UBL3: variants seen among roughly 807,000 people sequenced by gnomAD.
UBL3 encodes ubiquitin like 3.
Under a neutral mutation model 18.4 loss-of-function variants are expected in UBL3, and 6 were observed. That is an observed-to-expected ratio of 0.33 (90% CI 0.18 to 0.64). The LOEUF (loss-of-function observed/expected upper bound fraction) is 0.64. Ranked by LOEUF, UBL3 falls within the 30% of genes least tolerant of loss-of-function variation. The pLI, the probability that UBL3 is intolerant of heterozygous loss-of-function variation, is 0.76. For synonymous variants in UBL3, 49 were observed against 46.6 expected, an observed-to-expected ratio of 1.05 and a Z score of -0.21; for missense variants, 109 against 142.9, an observed-to-expected ratio of 0.76 and a Z score of 1.21.
intron 1 of UBL3, chr13:29,777,485 C>T: frequency 3.1e-6 from 2 of 643,176 alleles, no homozygotes; most frequent in South Asian, 1.4e-5. Context: ...GACATATTTG[C>T]CATAATAAAT....
intron 1 of UBL3, among the ~76,000 whole-genome samples, chr13:29,843,456 T>C (rs773053234): frequency 6.6e-6 from 1 of 152,174 alleles, no homozygotes; most frequent in Non-Finnish European, 1.5e-5. Context: ...TCAATGTATT[T>C]TGCACTTGGT....
chr13:29,783,241 G>A (rs568704867), intron 1 of UBL3, among the ~76,000 whole-genome samples: 2 of 152,334 alleles, frequency 1.3e-5, no homozygotes, highest in Admixed American at 1.3e-4. Flanking sequence ...TAACATAAAT[G>A]CTATCATTTA....
chr13:29,780,827 T>C (rs1877135566), intron 1 of UBL3, among the ~76,000 whole-genome samples: 1 of 152,154 alleles, frequency 6.6e-6, no homozygotes, highest in African/African-American at 2.4e-5. Flanking sequence ...TTACAGCAAC[T>C]TGGTTTCTTG....
chr13:29,767,954 T>C (rs986050790), intron 3 of UBL3, among the ~76,000 whole-genome samples: 7 of 152,094 alleles, frequency 4.6e-5, no homozygotes, highest in Admixed American at 6.6e-5. Context: ...AAAAAATATG[T>C]AATTGGCTAA....
intron 1 of UBL3, among the ~76,000 whole-genome samples, chr13:29,835,474 G>A (rs983191043): frequency 2.0e-5 from 3 of 150,640 alleles, no homozygotes; most frequent in African/African-American, 4.9e-5. Flanking sequence ...AGTGGCTCAC[G>A]CCTGTAATCC....
chr13:29,849,212 T>C (rs1879305653), intron 1 of UBL3, among the ~76,000 whole-genome samples: 1 of 152,214 alleles, frequency 6.6e-6, no homozygotes, highest in Admixed American at 6.5e-5. Context: ...GTTAAAATAC[T>C]AGTGTTCGGA....
intron 1 of UBL3, among the ~76,000 whole-genome samples, chr13:29,810,991 A>G (rs545424689): frequency 6.6e-6 from 1 of 152,252 alleles, no homozygotes; most frequent in East Asian, 1.9e-4. Flanking sequence ...GTTCAAGTCA[A>G]TGGTGGTACA....
chr13:29,845,529 T>A (rs1879209204), intron 1 of UBL3, among the ~76,000 whole-genome samples: 1 of 152,104 alleles, frequency 6.6e-6, no homozygotes, highest in Non-Finnish European at 1.5e-5. Flanking sequence ...TGGCATTTTC[T>A]CCTGGTATAT....
intron 1 of UBL3, among the ~76,000 whole-genome samples, chr13:29,826,700 T>C (rs34232669): frequency 0.1 from 15,517 of 152,194 alleles, 969 homozygotes; most frequent in African/African-American, 0.17. Flanking sequence ...TCTGCTCTGA[T>C]CTTAGTTATT....
Position 29,850,054 on chromosome 13 carries a change from G to GCTGGCCGCGGACC in UBL3, c.-529_-517dup, listed in dbSNP as rs1413099752. Reference sequence around the variant, plus strand: ...AGTGGCGGCCGAGCGGTGGCCGGACGCTGGCCGCGGACCCTGCAGAGCCGC... The same window carrying GCTGGCCGCGGACC: ...AGTGGCGGCCGAGCGGTGGCCGGACGCTGGCCGCGGACCCTGGCCGCGGACCCTGCAGAGCCGC... On this transcript the variant is annotated 5_prime_UTR_variant, in exon 1 of 5. Transcript: ENST00000380680. 1 of 153,796 alleles carries GCTGGCCGCGGACC rather than the reference G, an allele frequency of 6.5e-6. No individual in the cohort carries two copies. The highest frequency in any genetic ancestry group is 1.4e-5 in the Non-Finnish European group (1 of 68,996). The allele number at this position is 153,796 out of a possible 1,614,324, so 9.5% of individuals were successfully genotyped here.
At chr13:29,815,320 A>G (rs73446285) in intron 1 of UBL3, among the ~76,000 whole-genome samples, 2,791 of 152,262 alleles carry the variant, frequency 0.018, 80 homozygotes, top group African/African-American at 0.063. Flanking sequence ...GAAATATCTC[A>G]TATAATAAAT....
chr13:29,803,584 G>T (rs1333543116), intron 1 of UBL3, among the ~76,000 whole-genome samples: 2 of 149,416 alleles, frequency 1.3e-5, no homozygotes, highest in African/African-American at 2.5e-5. Context: ...AAGGGATGGA[G>T]AAAAATCTAC....
chr13:29,791,769 C>T (rs1301530192), intron 1 of UBL3, among the ~76,000 whole-genome samples: 1 of 152,084 alleles, frequency 6.6e-6, no homozygotes, highest in Non-Finnish European at 1.5e-5. Flanking sequence ...ATTACTATGC[C>T]CCCTTTCACT....
At chr13:29,820,133 A>G (rs2139348466) in intron 1 of UBL3, among the ~76,000 whole-genome samples, 1 of 150,834 alleles carries the variant, frequency 6.6e-6, no homozygotes, top group South Asian at 2.1e-4. Context: ...AAGATGTATC[A>G]GAAATTAGAA....
At chr13:29,848,312 C>T (rs1593681217) in intron 1 of UBL3, among the ~76,000 whole-genome samples, 2 of 117,392 alleles carry the variant, frequency 1.7e-5, no homozygotes, top group Admixed American at 1.8e-4. Context: ...AAAAAATTAG[C>T]CAGGTGTGGT....
intron 1 of UBL3, among the ~76,000 whole-genome samples, chr13:29,834,965 T>C (rs993124662): frequency 6.6e-6 from 1 of 150,766 alleles, no homozygotes; most frequent in Admixed American, 6.7e-5. Context: ...AGTAATAAGC[T>C]TGGCACAGTG....
At chr13:29,798,910 A>G (rs950078903) in intron 1 of UBL3, among the ~76,000 whole-genome samples, 2 of 152,236 alleles carry the variant, frequency 1.3e-5, no homozygotes, top group Non-Finnish European at 2.9e-5. Flanking sequence ...AATTGTGCTA[A>G]CGATATTTAT....
intron 1 of UBL3, among the ~76,000 whole-genome samples, chr13:29,783,229 G>A (rs1235480316): frequency 6.6e-6 from 1 of 152,226 alleles, no homozygotes; most frequent in Non-Finnish European, 1.5e-5. Context: ...ACATGCCAGA[G>A]TTAACATAAA....
intron 1 of UBL3, among the ~76,000 whole-genome samples, chr13:29,831,708 G>GA (rs762653271): frequency 3.6e-5 from 5 of 140,366 alleles, no homozygotes; most frequent in Admixed American, 7.1e-5. Flanking sequence ...CTTAATGATA[G>GA]AAAAAAAAAG....
Sources: allele counts gnomAD v4.1 joint callset (sites outside exome capture counted in the v4.1 genomes callset), GRCh38; gene constraint gnomAD v4.1.1; transcripts MANE v1.5; gene names NCBI Gene and HGNC (gene_info 2026-07-23, HGNC 2026-07-21).